Variants in LGR4 observed in about 807,000 individuals in gnomAD.
LGR4 encodes the protein leucine-rich repeat-containing G protein-coupled receptor 4.
In LGR4, 44 loss-of-function variants were observed where a neutral mutation model predicts 84.8. The ratio of observed to expected loss-of-function variants is 0.52; its 90% CI spans 0.41 to 0.67. LGR4 has a LOEUF of 0.67. Among genes scored for constraint, LGR4 ranks in the 30% least tolerant of loss-of-function variants. LGR4 has a pLI of 0.00. For synonymous variants in LGR4, 429 were observed against 434.3 expected, an observed-to-expected ratio of 0.99 and a Z score of 0.15; for missense variants, 1,032 against 1,131.4, an observed-to-expected ratio of 0.91 and a Z score of 1.26.
chr11:27,377,337 C>A, intron 11 of LGR4, 114 bp from the exon 12 acceptor site: 1 of 515,200 alleles, frequency 1.9e-6, no homozygotes, highest in Non-Finnish European at 3.5e-6. Context: ...AGAGATATGC[C>A]TGAATAAGAA....
intron 1 of LGR4, among the ~76,000 whole-genome samples, chr11:27,452,027 A>G (rs1261534598): frequency 6.6e-6 from 1 of 152,234 alleles, no homozygotes; most frequent in Non-Finnish European, 1.5e-5. Context: ...ATGGACACCC[A>G]CGTAATCTTC....
intron 2 of LGR4, among the ~76,000 whole-genome samples, chr11:27,403,475 A>G (rs1223962972): frequency 6.6e-6 from 1 of 152,244 alleles, no homozygotes; most frequent in Non-Finnish European, 1.5e-5. Context: ...ACTGCTGTTC[A>G]TAACACCACC....
chr11:27,472,110 G>A lies in LGR4; in HGVS notation c.185+8C>T, dbSNP rs1428533454. 46 of 608,244 alleles carry A rather than the reference G, an allele frequency of 7.6e-5. No homozygotes were observed. In the Admixed American group the frequency reaches 3.0e-3, roughly 39 times the overall value. 37.7% of individuals were successfully genotyped at this position (608,244 alleles called of 1,614,324 possible). On this transcript the variant is annotated splice_region_variant and intron_variant, in intron 1 of 17. Transcript: ENST00000379214. ...CCCCCCCCTCGCGTCCCCGCCGCCC[G>A]CACTCACAGCGCTTGGGTGAAGGCG... is the stretch of plus-strand genomic sequence containing the variant.
chr11:27,455,176 A>G (rs920848827), intron 1 of LGR4, among the ~76,000 whole-genome samples: 4 of 152,150 alleles, frequency 2.6e-5, no homozygotes, highest in African/African-American at 9.7e-5. Flanking sequence ...AGCTGAGACT[A>G]CAAGTGTGTG....
At position 27,440,139 on chromosome 11, in the gene LGR4, C is replaced by T. The variant is rs1318102440; in HGVS notation, c.186-27279G>A. Among the ~76,000 whole-genome samples, 3 of 152,198 alleles carry T rather than the reference C, an allele frequency of 2.0e-5. No individual in the cohort carries two copies. In the East Asian group the frequency reaches 5.8e-4, roughly 30 times the overall value. On this transcript the variant is annotated intron_variant, in intron 1 of 17. Coordinates refer to ENST00000379214, the MANE Select transcript of LGR4 (RefSeq NM_018490.5). ...CAGGATGGTCTTGAACTCCTGACCT[C>T]AGGTGATCTGCCCGCCTCGGCCTCC...
intron 16 of LGR4, 52 bp from the exon 17 acceptor site, chr11:27,371,750 G>T (rs780354581): frequency 1.5e-6 from 2 of 1,364,266 alleles, no homozygotes; most frequent in South Asian, 2.4e-5. Context: ...CAACTCAAAA[G>T]AACCATATTT....
At chr11:27,408,851 T>A (rs950640689) in intron 2 of LGR4, among the ~76,000 whole-genome samples, 1 of 152,142 alleles carries the variant, frequency 6.6e-6, no homozygotes, top group African/African-American at 2.4e-5. Context: ...ACATAAATTA[T>A]CCCATATTTC....
chr11:27,398,740 A>T (rs1218415216), intron 2 of LGR4, among the ~76,000 whole-genome samples: 1 of 152,188 alleles, frequency 6.6e-6, no homozygotes, highest in Admixed American at 6.5e-5. Context: ...ACAGCCTCCC[A>T]TTCACTCATG....
rs75026066 is a variant in LGR4, at chr11:27,418,091, C to A, written c.186-5231G>T. On this transcript the variant is annotated intron_variant, in intron 1 of 17. Coordinates refer to ENST00000379214, the MANE Select transcript of LGR4 (RefSeq NM_018490.5). ...ATGCACATATGTGCAAGGTACTGTA[C>A]GTGGATAGTAAGGCTTTTATGTCAA... 1.9e-4 allele frequency among the ~76,000 whole-genome samples: 29 copies of A among 152,192 alleles called. No individual in the cohort carries two copies. In the South Asian group the frequency reaches 3.1e-3, roughly 16 times the overall value.
In LGR4 at chr11:27,374,021, C is replaced by T. The variant is rs1468374007; in HGVS notation, c.1207G>A (p.Glu403Lys). 1 of 1,611,844 alleles carries T rather than the reference C, an allele frequency of 6.2e-7. No homozygotes were observed. The highest frequency in any genetic ancestry group is 2.2e-5 in the East Asian group (1 of 44,802). The change falls in exon 14 of 18, where the codon GAA becomes AAA. Residue 403 changes from glutamate (E) to lysine (K), a missense_variant. Glu to Lys is a moderately conservative substitution (Grantham distance 56). Coordinates refer to ENST00000379214, the MANE Select transcript of LGR4 (RefSeq NM_018490.5). ...GTGGCAAAAGCTCTACTGTGAATTTCATGTATCAGGTTTCTACTCAGATCT... is the reference window on the plus strand; with the variant it reads ...GTGGCAAAAGCTCTACTGTGAATTTTATGTATCAGGTTTCTACTCAGATCT... ...ILDLSRNLIH[E>K]IHSRAFATLG...
chr11:27,448,440 G>A (rs1372290607), intron 1 of LGR4, among the ~76,000 whole-genome samples: 2 of 151,946 alleles, frequency 1.3e-5, no homozygotes, highest in African/African-American at 4.8e-5. Flanking sequence ...TTACAGGCAT[G>A]TGCTTCCATG....
At chr11:27,410,099 T>C (rs1233198881) in intron 2 of LGR4, among the ~76,000 whole-genome samples, 1 of 152,134 alleles carries the variant, frequency 6.6e-6, no homozygotes, top group Non-Finnish European at 1.5e-5. Context: ...AATTTTTCAT[T>C]TTATTTAATT....
chr11:27,440,667 G>T (rs1278429256), intron 1 of LGR4, among the ~76,000 whole-genome samples: 1 of 152,164 alleles, frequency 6.6e-6, no homozygotes, highest in Non-Finnish European at 1.5e-5. Flanking sequence ...AGACCCGGAG[G>T]CTTCTCTTTA....
At chr11:27,392,323 G>T in intron 3 of LGR4, 124 bp downstream of exon 3, 1 of 695,396 alleles carries the variant, frequency 1.4e-6, no homozygotes, top group Non-Finnish European at 2.3e-6. Context: ...CTACTCACTG[G>T]CCACTCCTTA....
At chr11:27,404,844 G>A (rs7936621) in intron 2 of LGR4, among the ~76,000 whole-genome samples, 98,596 of 152,050 alleles carry the variant, frequency 0.65, 33,206 homozygotes, top group African/African-American at 0.82. Flanking sequence ...AATGAAGCCA[G>A]AACACAAAAG....
chr11:27,427,352 G>T (rs1248275108), intron 1 of LGR4, among the ~76,000 whole-genome samples: 1 of 152,140 alleles, frequency 6.6e-6, no homozygotes, highest in African/African-American at 2.4e-5. Context: ...ACAGGGAAGG[G>T]CCTCCGAAAC....
chr11:27,408,499 T>C (rs957852772), intron 2 of LGR4, among the ~76,000 whole-genome samples: 1 of 152,158 alleles, frequency 6.6e-6, no homozygotes, highest in Non-Finnish European at 1.5e-5. Context: ...TGACAGCTTA[T>C]GGAAAATTAG....
chr11:27,390,709 G>A (rs755064840), intron 4 of LGR4, among the ~76,000 whole-genome samples: 9 of 152,000 alleles, frequency 5.9e-5, no homozygotes, highest in Non-Finnish European at 1.0e-4. Context: ...AATTACAATC[G>A]ATTTGTTCTG....
At chr11:27,391,055 TAGTCTCTTGGTG>T in intron 4 of LGR4, 27 bp downstream of exon 4, 1 of 1,125,892 alleles carries the variant, frequency 8.9e-7, no homozygotes, top group Non-Finnish European at 1.3e-6. Context: ...ACAGCCAGAG[TAGTCTCTTGGTG>T]AGTCAAGAAA....
Sources: gnomAD v4.1 joint callset for allele counts (sites outside exome capture counted in the v4.1 genomes callset) on GRCh38, gnomAD v4.1.1 for gene constraint, MANE v1.5 for transcripts, NCBI Gene and HGNC (gene_info 2026-07-23, HGNC 2026-07-21) for gene names.